The following TYW1B variants were observed in gnomAD, a reference collection of about 807,000 sequenced individuals.
The protein encoded by TYW1B is S-adenosyl-L-methionine-dependent tRNA 4-demethylwyosine synthase TYW1B.
Under a neutral mutation model 86.9 loss-of-function variants are expected in TYW1B, and 73 were observed. That is an observed-to-expected ratio of 0.84 (90% CI 0.70 to 1.02). The LOEUF (loss-of-function observed/expected upper bound fraction) is 1.02. TYW1B is among the 50% of genes least tolerant of loss of function. The pLI, the probability that TYW1B is intolerant of heterozygous loss-of-function variation, is 0.00. For missense variants in TYW1B, 637 were observed against 827.4 expected (o/e 0.77, Z 2.82); for synonymous variants, 248 against 292.8 (o/e 0.85, Z 1.56).
chr7:72,626,614 C>T (rs1404438007), intron 12 of TYW1B, among the ~76,000 whole-genome samples: 1 of 152,192 alleles, frequency 6.6e-6, no homozygotes, highest in South Asian at 2.1e-4. Flanking sequence ...TCGCCATCCA[C>T]GCAATGGCTT....
rs184338875 is a variant in TYW1B at position 72,732,507 on chromosome 7, T to C, written c.1083-3576A>G. On this transcript the variant is annotated intron_variant, in intron 8 of 13. Coordinates refer to ENST00000620995, the MANE Select transcript of TYW1B (RefSeq NM_001145440.3). ...GTAATGGAAACCAAATAGCACACTC[T>C]TGAACAGCCAATGAGTCAATGAAGA... Among the ~76,000 whole-genome samples, 106 of 152,280 alleles carry C rather than the reference T, an allele frequency of 7.0e-4. 1 individual carries two copies. The highest frequency in any genetic ancestry group is 5.4e-3 in the Admixed American group (82 of 15,296).
chr7:72,798,182 T>A (rs1554474820), intron 6 of TYW1B, among the ~76,000 whole-genome samples: 2 of 151,954 alleles, frequency 1.3e-5, no homozygotes, highest in African/African-American at 4.8e-5. Context: ...GGCGGGCAGA[T>A]CACGAGGTCA....
rs147784021 is a variant in TYW1B, at chr7:72,694,155, G to T, written c.1506+532C>A. On this transcript the variant is annotated intron_variant, in intron 11 of 13. Coordinates refer to ENST00000620995, the MANE Select transcript of TYW1B (RefSeq NM_001145440.3). ...TTTTGGTATTTCTAGTAGAGATGGG[G>T]TCTGACCATGTTGGCCAGGCTGGTC... 6.0e-3 allele frequency among the ~76,000 whole-genome samples: 913 copies of T among 152,154 alleles called. 11 individuals carry two copies. The highest frequency in any genetic ancestry group is 0.021 in the African/African-American group (866 of 41,518).
rs372137934 is a variant in TYW1B, at chr7:72,669,011, T to C, written c.1506+25676A>G. On this transcript the variant is annotated intron_variant, in intron 11 of 13. Transcript: ENST00000620995. ...CCTGCCTAGCACAGAACTTGAAATA[T>C]ACTACACACAAAGCAAGAGTTGGTG... Among the ~76,000 whole-genome samples the C allele has an allele frequency of 3.3e-5, 5 of 151,878 alleles. No individual in the cohort carries two copies. The East Asian group carries it at 7.7e-4, about 23-fold the overall frequency.
At position 72,643,580 on chromosome 7, in the gene TYW1B, C is replaced by T. The variant is rs1291118337; in HGVS notation, c.1507-14583G>A. 2.6e-5 allele frequency among the ~76,000 whole-genome samples: 4 copies of T among 151,064 alleles called. No individual in the cohort carries two copies. The East Asian group carries it at 7.7e-4, about 29-fold the overall frequency. On this transcript the variant is annotated intron_variant, in intron 11 of 13. Transcript: ENST00000620995. Reference sequence around the variant, plus strand: ...CCAGCCTGGGCAACAGAGCCAGACTCCATCTTAAAAGAAAAAAAGAAAAAA... The same window carrying T: ...CCAGCCTGGGCAACAGAGCCAGACTTCATCTTAAAAGAAAAAAAGAAAAAA...
intron 12 of TYW1B, among the ~76,000 whole-genome samples, chr7:72,617,234 C>G (rs1330569513): frequency 2.6e-5 from 4 of 152,114 alleles, no homozygotes; most frequent in African/African-American, 7.2e-5. Context: ...ATAGTGGACA[C>G]TCATAAAAAT....
chr7:72,790,691 C>T (rs1554473235), intron 6 of TYW1B, among the ~76,000 whole-genome samples: 2 of 152,218 alleles, frequency 1.3e-5, no homozygotes. Context: ...CTCTATTTGT[C>T]TCTCATGTCT....
chr7:72,582,053 G>A (rs1811165877), intron 13 of TYW1B, among the ~76,000 whole-genome samples: 1 of 150,294 alleles, frequency 6.7e-6, no homozygotes, highest in Non-Finnish European at 1.5e-5. Flanking sequence ...ACACGTGTGA[G>A]CCACTGCACC....
chr7:72,819,232 C>T (rs1788782971), intron 2 of TYW1B, among the ~76,000 whole-genome samples: 1 of 151,976 alleles, frequency 6.6e-6, no homozygotes, highest in Non-Finnish European at 1.5e-5. Flanking sequence ...ACTGTGAGGA[C>T]TCAAGCATTG....
chr7:72,749,497 T>C (rs1787458226), intron 7 of TYW1B, among the ~76,000 whole-genome samples: 1 of 152,124 alleles, frequency 6.6e-6, no homozygotes, highest in Non-Finnish European at 1.5e-5. Context: ...GTTCACTGTA[T>C]TAGCCAGGAT....
intron 7 of TYW1B, among the ~76,000 whole-genome samples, chr7:72,747,569 C>T (rs1263333276): frequency 3.9e-5 from 6 of 152,200 alleles, no homozygotes; most frequent in Non-Finnish European, 7.4e-5. Context: ...ACCACACTGT[C>T]TTGAAAACTG....
In TYW1B at chr7:72,670,551, A is replaced by G. The variant is rs543195025; in HGVS notation, c.1506+24136T>C. ...TCTTAACCCCACTTTACAGTGAGGA[A>G]GTAAAGACTTCACAGAGGTTCGGTG... On this transcript the variant is annotated intron_variant, in intron 11 of 13. Transcript: ENST00000620995. 4.6e-5 allele frequency among the ~76,000 whole-genome samples: 7 copies of G among 152,314 alleles called. No individual in the cohort carries two copies. The East Asian group carries it at 1.2e-3, about 25-fold the overall frequency.
intron 6 of TYW1B, among the ~76,000 whole-genome samples, chr7:72,793,771 A>G (rs1414210064): frequency 6.6e-6 from 1 of 150,702 alleles, no homozygotes; most frequent in Admixed American, 6.6e-5. Context: ...AAAAAAAAAA[A>G]TGCTCCCGCA....
intron 12 of TYW1B, among the ~76,000 whole-genome samples, chr7:72,625,195 C>T (rs11978277): frequency 0.012 from 1,801 of 152,238 alleles, 38 homozygotes; most frequent in African/African-American, 0.041. Flanking sequence ...CCAAATAGCA[C>T]ATTCACATAA....
chr7:72,733,736 TG>T (rs1244107872), intron 8 of TYW1B, among the ~76,000 whole-genome samples: 1 of 152,064 alleles, frequency 6.6e-6, no homozygotes, highest in Non-Finnish European at 1.5e-5. Context: ...CACACAAAAA[TG>T]GAAAGACATC....
At chr7:72,798,666 C>T (rs557504660) in intron 6 of TYW1B, among the ~76,000 whole-genome samples, 3 of 152,192 alleles carry the variant, frequency 2.0e-5, no homozygotes, top group Non-Finnish European at 4.4e-5. Context: ...TGGATAAATG[C>T]ATATGTGATT....
intron 10 of TYW1B, chr7:72,697,854 T>C (rs1263401809): frequency 6.6e-6 from 1 of 152,626 alleles, no homozygotes. Context: ...AGAATTATCA[T>C]ATATAAAAAT....
chr7:72,692,835 A>C (rs571578358), intron 11 of TYW1B, among the ~76,000 whole-genome samples: 1 of 152,260 alleles, frequency 6.6e-6, no homozygotes, highest in South Asian at 2.1e-4. Context: ...AGAAGGGAGA[A>C]GATGGTGGGC....
chr7:72,751,359 T>C (rs1466387506), intron 7 of TYW1B, among the ~76,000 whole-genome samples: 1 of 152,178 alleles, frequency 6.6e-6, no homozygotes, highest in African/African-American at 2.4e-5. Flanking sequence ...AATTCTCTTG[T>C]TCTGTCCTGT....
Sources: gnomAD v4.1 joint callset for allele counts (sites outside exome capture counted in the v4.1 genomes callset) on GRCh38, gnomAD v4.1.1 for gene constraint, MANE v1.5 for transcripts, NCBI Gene and HGNC (gene_info 2026-07-23, HGNC 2026-07-21) for gene names.